Variants in PRKG1 observed in about 807,000 individuals in gnomAD.
PRKG1 encodes cGMP-dependent protein kinase 1.
A neutral mutation model predicts 88.1 loss-of-function variants in PRKG1; 35 were observed. The observed-to-expected ratio is 0.40, with a 90% confidence interval of 0.30 to 0.53. The LOEUF (loss-of-function observed/expected upper bound fraction) is 0.53, where lower values mean the gene tolerates loss of function less well. PRKG1 is among the 20% of genes least tolerant of loss of function. The probability of loss-of-function intolerance (pLI) is 0.59; values close to 1 mark genes in which losing one functional copy is unlikely to be tolerated. For synonymous variants in PRKG1, 303 were observed against 292.5 expected, an observed-to-expected ratio of 1.04 and a Z score of -0.37; for missense variants, 540 against 839.8, an observed-to-expected ratio of 0.64 and a Z score of 4.41.
chr10:51,359,069 G>A (rs1300889788), intron 2 of PRKG1, among the ~76,000 whole-genome samples: 1 of 151,624 alleles, frequency 6.6e-6, no homozygotes, highest in Non-Finnish European at 1.5e-5. Context: ...GTTGATATTG[G>A]AAAGTGGCCA....
intron 9 of PRKG1, among the ~76,000 whole-genome samples, chr10:52,165,807 CTCAA>C (rs1838418635): frequency 6.6e-6 from 1 of 152,134 alleles, no homozygotes; most frequent in South Asian, 2.1e-4. Context: ...TATAATCAAG[CTCAA>C]TCGCAGAAAG....
intron 2 of PRKG1, among the ~76,000 whole-genome samples, chr10:51,451,689 A>G (rs293266): frequency 0.56 from 84,578 of 151,666 alleles, 25,266 homozygotes; most frequent in African/African-American, 0.75. Context: ...GTCAACAAGG[A>G]CTTAAGGCAG....
chr10:51,996,092 C>T (rs371201238), intron 5 of PRKG1, among the ~76,000 whole-genome samples: 2 of 151,780 alleles, frequency 1.3e-5, no homozygotes, highest in African/African-American at 2.4e-5. Flanking sequence ...GCAGATAGAT[C>T]ACGAGGTCAG....
At chr10:51,033,374 G>A (rs1046583826) in intron 1 of PRKG1, among the ~76,000 whole-genome samples, 2 of 152,178 alleles carry the variant, frequency 1.3e-5, no homozygotes, top group South Asian at 4.1e-4. Context: ...GGAAACTGAG[G>A]TTGGAGAGGA....
At chr10:51,396,807 T>G (rs2132659079) in intron 2 of PRKG1, among the ~76,000 whole-genome samples, 1 of 152,344 alleles carries the variant, frequency 6.6e-6, no homozygotes, top group African/African-American at 2.4e-5. Context: ...TAGAAGTAGT[T>G]TGATTCCAGA....
intron 1 of PRKG1, among the ~76,000 whole-genome samples, chr10:51,004,078 C>G (rs1247596912): frequency 2.6e-5 from 4 of 151,964 alleles, no homozygotes; most frequent in African/African-American, 9.7e-5. Context: ...AGTCCTAGGT[C>G]AAAAAAACTA....
At chr10:52,199,820 A>C (rs1197680832) in intron 9 of PRKG1, among the ~76,000 whole-genome samples, 1 of 152,120 alleles carries the variant, frequency 6.6e-6, no homozygotes, top group Non-Finnish European at 1.5e-5. Flanking sequence ...TAGGACAACC[A>C]GTGGAGCAGT....
intron 1 of PRKG1, among the ~76,000 whole-genome samples, chr10:51,063,816 C>T (rs187402211): frequency 2.1e-4 from 32 of 152,160 alleles, no homozygotes; most frequent in African/African-American, 6.0e-4. Context: ...CAAAGACACA[C>T]GGTGCTCAAT....
rs562301262 is a variant in PRKG1 at position 51,208,859 on chromosome 10, T to C, written c.478+55529T>C. On this transcript the variant is annotated intron_variant, in intron 2 of 17. Transcript: ENST00000373980. ...TGCCTCGAATGGAATAGGACTATCA[T>C]GTAGAAAATTAGGAAGGGATTGTGT... Among the ~76,000 whole-genome samples, 3 of 152,320 alleles carry C rather than the reference T, an allele frequency of 2.0e-5. No individual in the cohort carries two copies. In the Middle Eastern group the frequency reaches 0.01, roughly 518 times the overall value.
At chr10:51,134,432 A>G (rs1845641727) in intron 1 of PRKG1, among the ~76,000 whole-genome samples, 1 of 152,154 alleles carries the variant, frequency 6.6e-6, no homozygotes, top group African/African-American at 2.4e-5. Context: ...TAGCTCAAAT[A>G]CCTTTTACTT....
intron 9 of PRKG1, among the ~76,000 whole-genome samples, chr10:52,192,158 C>A (rs1022106305): frequency 7.2e-5 from 11 of 151,986 alleles, no homozygotes; most frequent in Non-Finnish European, 1.3e-4. Flanking sequence ...GAGTCAATTT[C>A]TTTCTGGGAG....
chr10:51,760,856 T>C (rs1033625426), intron 3 of PRKG1, among the ~76,000 whole-genome samples: 1 of 152,172 alleles, frequency 6.6e-6, no homozygotes, highest in Admixed American at 6.5e-5. Flanking sequence ...GGCTGATGCC[T>C]GTAATCTTAG....
chr10:51,843,993 T>C (rs992793652), intron 4 of PRKG1, among the ~76,000 whole-genome samples: 1 of 152,178 alleles, frequency 6.6e-6, no homozygotes, highest in East Asian at 1.9e-4. Context: ...GGAGTATACA[T>C]AGTACTATAT....
At chr10:51,939,167 C>A (rs1842854556) in intron 5 of PRKG1, among the ~76,000 whole-genome samples, 1 of 152,008 alleles carries the variant, frequency 6.6e-6, no homozygotes, top group African/African-American at 2.4e-5. Context: ...TCCATTGTCA[C>A]CACACATTAA....
intron 5 of PRKG1, among the ~76,000 whole-genome samples, chr10:51,950,520 C>T (rs777402682): frequency 8.5e-5 from 13 of 152,228 alleles, no homozygotes; most frequent in Non-Finnish European, 1.0e-4. Flanking sequence ...CTGCCCCTTG[C>T]GGAAGGGAGC....
intron 1 of PRKG1, among the ~76,000 whole-genome samples, chr10:51,032,552 A>G (rs994250625): frequency 6.6e-6 from 1 of 152,146 alleles, no homozygotes; most frequent in Non-Finnish European, 1.5e-5. Context: ...TAAAGTCAGG[A>G]GTTCGAGACC....
At chr10:51,877,360 A>AT (rs372468143) in intron 4 of PRKG1, among the ~76,000 whole-genome samples, 3 of 152,014 alleles carry the variant, frequency 2.0e-5, no homozygotes, top group African/African-American at 7.2e-5. Flanking sequence ...TTATTTTCAG[A>AT]TTTTTTTTGG....
intron 3 of PRKG1, among the ~76,000 whole-genome samples, chr10:51,789,915 G>C (rs1035248804): frequency 6.6e-6 from 1 of 151,874 alleles, no homozygotes; most frequent in African/African-American, 2.4e-5. Context: ...TCTGCCTCCT[G>C]GGTTCAAGCA....
intron 1 of PRKG1, among the ~76,000 whole-genome samples, chr10:51,087,827 C>T (rs977333578): frequency 2.0e-5 from 3 of 152,108 alleles, no homozygotes; most frequent in Non-Finnish European, 4.4e-5. Context: ...TGCAGTGGTG[C>T]GATCTTGGTT....
Sources: allele counts gnomAD v4.1 joint callset (sites outside exome capture counted in the v4.1 genomes callset), GRCh38; gene constraint gnomAD v4.1.1; transcripts MANE v1.5; gene names NCBI Gene and HGNC (gene_info 2026-07-23, HGNC 2026-07-21).